The following WDR5 variants were observed in gnomAD, a reference collection of about 807,000 sequenced individuals.
WDR5 encodes WD repeat domain 5, also known as WD repeat-containing protein 5.
For synonymous variants in WDR5, 144 were observed against 161.6 expected, an observed-to-expected ratio of 0.89 and a Z score of 0.83; for missense variants, 187 against 416.9, an observed-to-expected ratio of 0.45 and a Z score of 4.80.
At position 134,158,196 on chromosome 9, in the gene WDR5, G is replaced by A. The variant is rs767240111; in HGVS notation, c.*203G>A. Reference sequence around the variant, plus strand: ...TTAAAAGTTGCTGGTGACATTTCTTGCCAATTCTAACACTGTCTAGGGAAG... The same window carrying A: ...TTAAAAGTTGCTGGTGACATTTCTTACCAATTCTAACACTGTCTAGGGAAG... On this transcript the variant is annotated 3_prime_UTR_variant, in exon 14 of 14. Coordinates refer to ENST00000358625, the MANE Select transcript of WDR5 (RefSeq NM_017588.3). The A allele has an allele frequency of 1.8e-6, 1 of 549,788 alleles. No individual in the cohort carries two copies. The highest frequency in any genetic ancestry group is 3.3e-6 in the Non-Finnish European group (1 of 305,802). 34.1% of individuals were successfully genotyped at this position (549,788 alleles called of 1,614,324 possible).
chr9:134,157,450 C>T lies in WDR5; in HGVS notation c.905-443C>T, dbSNP rs1193281005. On this transcript the variant is annotated intron_variant, in intron 13 of 13. Transcript: ENST00000358625. The surrounding 1 kb of genome is among the most constrained non-coding windows in gnomAD (Gnocchi z 5.0). ...TCTGGGGCTTAGCATTGGGGGGAGG[C>T]GGTGGGAGTGGGCGGCTCAGGGTCC... Among the ~76,000 whole-genome samples the T allele has an allele frequency of 2.0e-5, 3 of 152,114 alleles. No individual in the cohort carries two copies. The highest frequency in any genetic ancestry group is 2.9e-5 in the Non-Finnish European group (2 of 67,958).
chr9:134,136,515 C>T (rs1242457993), intron 1 of WDR5, among the ~76,000 whole-genome samples: 1 of 152,164 alleles, frequency 6.6e-6, no homozygotes, highest in East Asian at 1.9e-4. Flanking sequence ...TGCCCGGCCT[C>T]ACATCGCCCC....
At position 134,157,118 on chromosome 9, in the gene WDR5, G is replaced by A. The variant is rs577143709; in HGVS notation, c.904+525G>A. On this transcript the variant is annotated intron_variant, in intron 13 of 13. Transcript: ENST00000358625. This position sits in a 1 kb window ranked among gnomAD's most constrained non-coding sequence, Gnocchi z 5.0. ...GCCGCCGCTACTTCCTCACCCTCTG[G>A]CCCTGCATTTCCACGTCTCATGGAG... 2.0e-5 allele frequency among the ~76,000 whole-genome samples: 3 copies of A among 152,272 alleles called. No homozygotes were observed. The highest frequency in any genetic ancestry group is 2.1e-4 in the South Asian group (1 of 4,814).
chr9:134,141,466 A>G lies in WDR5; in HGVS notation c.191-44A>G, dbSNP rs58124205. The G allele has an allele frequency of 7.4e-3, 11,889 of 1,600,094 alleles. 722 individuals carry two copies. The African/African-American group carries it at 0.13, about 18-fold the overall frequency. On this transcript the variant is annotated intron_variant, in intron 3 of 13. Coordinates refer to ENST00000358625, the MANE Select transcript of WDR5 (RefSeq NM_017588.3). The stretch of plus-strand genomic sequence containing the variant: ...ACTTTGGACTCTGGATGACTAGACA[A>G]TTGTGTCCTGCTCTTAGCCTCAGAT...
At chr9:134,138,510 T>G (rs1289569632) in intron 1 of WDR5, among the ~76,000 whole-genome samples, 1 of 152,214 alleles carries the variant, frequency 6.6e-6, no homozygotes. Flanking sequence ...GTAGCTGGCA[T>G]TTACCGAGGA....
At chr9:134,141,085 C>T (rs1831864555) in intron 3 of WDR5, among the ~76,000 whole-genome samples, 2 of 152,118 alleles carry the variant, frequency 1.3e-5, no homozygotes, top group Admixed American at 1.3e-4. Context: ...AGTTCGAGAG[C>T]AGCCTGGCCA....
In WDR5 at chr9:134,142,223, C is replaced by A. The variant is rs1831931531; in HGVS notation, c.355-110C>A. On this transcript the variant is annotated intron_variant, in intron 5 of 13. Transcript: ENST00000358625. ...GTTGACTTCGGGGAACAGCAAGTCACTGGCGGGGCATCAGGCATGCTTTGG... is the reference window on the plus strand; with the variant it reads ...GTTGACTTCGGGGAACAGCAAGTCAATGGCGGGGCATCAGGCATGCTTTGG... 14 of 1,281,032 alleles carry A rather than the reference C, an allele frequency of 1.1e-5. No homozygotes were observed. In the South Asian group the frequency reaches 1.7e-4, roughly 16 times the overall value. The allele number at this position is 1,281,032 out of a possible 1,614,324, so 79.4% of individuals were successfully genotyped here.
intron 13 of WDR5, 30 bp downstream of exon 13, chr9:134,156,623 C>T: frequency 1.2e-6 from 2 of 1,609,844 alleles, no homozygotes; most frequent in Non-Finnish European, 8.5e-7. Flanking sequence ...CAGTCACTGG[C>T]TGCCTGTTGA....
chr9:134,157,257 C>G lies in WDR5; in HGVS notation c.905-636C>G, dbSNP rs1219693704. Among the ~76,000 whole-genome samples the G allele has an allele frequency of 6.6e-6, 1 of 152,236 alleles. No homozygotes were observed. The highest frequency in any genetic ancestry group is 1.5e-5 in the Non-Finnish European group (1 of 68,042). ...TCAGTGCTTACGCTCCACGGCGGGC[C>G]TGGGCCTTCCCCTGGGTCCTCGCCG... On this transcript the variant is annotated intron_variant, in intron 13 of 13. Coordinates refer to ENST00000358625, the MANE Select transcript of WDR5 (RefSeq NM_017588.3). This position sits in a 1 kb window ranked among gnomAD's most constrained non-coding sequence, Gnocchi z 5.0.
At chr9:134,144,925 G>GGTCC (rs1564191203) in intron 7 of WDR5, among the ~76,000 whole-genome samples, 1 of 151,896 alleles carries the variant, frequency 6.6e-6, no homozygotes, top group Non-Finnish European at 1.5e-5. Flanking sequence ...AGGTGGAGTC[G>GGTCC]GTCCCTCTGT....
intron 12 of WDR5, 152 bp downstream of exon 12, chr9:134,155,919 G>A (rs1273615931): frequency 3.0e-5 from 22 of 721,694 alleles, no homozygotes; most frequent in African/African-American, 1.1e-4. Context: ...GCCAAGTACC[G>A]GGGACACCTT....
chr9:134,153,008 G>A (rs28604373), intron 9 of WDR5, among the ~76,000 whole-genome samples: 68,035 of 152,002 alleles, frequency 0.45, 15,419 homozygotes, highest in Non-Finnish European at 0.48. Context: ...CAGTACACTC[G>A]CCTCTGAGGC....
rs533075789 is a variant in WDR5, at chr9:134,139,077, G to A, written c.-58-743G>A. Among the ~76,000 whole-genome samples the A allele has an allele frequency of 2.9e-3, 441 of 152,240 alleles. 1 individual carries two copies. Among genetic ancestry groups the A allele is most frequent in the African/African-American group, 9.9e-3 (411 of 41,542 alleles). ...ACCGATTGAACTGCAGTCTTTTTTCGTTCCCCTGCAGTGTGAGTCCTGCTC... is the reference window on the plus strand; with the variant it reads ...ACCGATTGAACTGCAGTCTTTTTTCATTCCCCTGCAGTGTGAGTCCTGCTC... On this transcript the variant is annotated intron_variant, in intron 1 of 13. Coordinates refer to ENST00000358625, the MANE Select transcript of WDR5 (RefSeq NM_017588.3).
In WDR5 at chr9:134,157,250, G is replaced by A. The variant is rs1160418757; in HGVS notation, c.905-643G>A. ...CCTGGGGTCAGTGCTTACGCTCCAC[G>A]GCGGGCCTGGGCCTTCCCCTGGGTC... On this transcript the variant is annotated intron_variant, in intron 13 of 13. Coordinates refer to ENST00000358625, the MANE Select transcript of WDR5 (RefSeq NM_017588.3). The surrounding 1 kb of genome is among the most constrained non-coding windows in gnomAD (Gnocchi z 5.0). Among the ~76,000 whole-genome samples, 7 of 152,220 alleles carry A rather than the reference G, an allele frequency of 4.6e-5. No individual in the cohort carries two copies. The highest frequency in any genetic ancestry group is 7.2e-5 in the African/African-American group (3 of 41,466).
intron 1 of WDR5, among the ~76,000 whole-genome samples, chr9:134,137,975 C>T (rs1453303217): frequency 1.3e-5 from 2 of 152,176 alleles, no homozygotes; most frequent in Non-Finnish European, 2.9e-5. Context: ...ACTTCCTGAC[C>T]TCGTGATCTG....
In WDR5 at chr9:134,157,073, G is replaced by A. The variant is rs1366327036; in HGVS notation, c.904+480G>A. Among the ~76,000 whole-genome samples, 2 of 152,204 alleles carry A rather than the reference G, an allele frequency of 1.3e-5. No homozygotes were observed. The highest frequency in any genetic ancestry group is 2.9e-5 in the Non-Finnish European group (2 of 68,030). On this transcript the variant is annotated intron_variant, in intron 13 of 13. Coordinates refer to ENST00000358625, the MANE Select transcript of WDR5 (RefSeq NM_017588.3). This position sits in a 1 kb window ranked among gnomAD's most constrained non-coding sequence, Gnocchi z 5.0. Reference sequence around the variant, plus strand: ...GCTACCTGGGGTTGCCACCTCTGTGGGTCCCGGCTGCCCTCTGCAGCCGCC... The same window carrying A: ...GCTACCTGGGGTTGCCACCTCTGTGAGTCCCGGCTGCCCTCTGCAGCCGCC...
At chr9:134,153,407 A>G (rs562789905) in intron 9 of WDR5, among the ~76,000 whole-genome samples, 4 of 152,202 alleles carry the variant, frequency 2.6e-5, no homozygotes, top group Admixed American at 1.3e-4. Flanking sequence ...TCTGGACTTC[A>G]CTGAGACAGG....
chr9:134,142,316 A>G lies in WDR5; in HGVS notation c.355-17A>G. ...GGAAATAAGCACTGGAATAATCCTA[A>G]TAATACTCTGTTATAGGGCAAGTGT... is the stretch of plus-strand genomic sequence containing the variant. On this transcript the variant is annotated splice_polypyrimidine_tract_variant and intron_variant, in intron 5 of 13. Transcript: ENST00000358625. The G allele has an allele frequency of 1.9e-6, 3 of 1,610,296 alleles. No homozygotes were observed. Among genetic ancestry groups the G allele is most frequent in the Non-Finnish European group, 2.5e-6 (3 of 1,177,002 alleles).
At chr9:134,155,547 G>C in intron 11 of WDR5, 146 bp from the exon 12 acceptor site, 2 of 1,252,006 alleles carry the variant, frequency 1.6e-6, no homozygotes, top group East Asian at 2.4e-5. Context: ...CAGTCTGCAA[G>C]TTAAATCTTC....
Sources: allele counts gnomAD v4.1 joint callset (sites outside exome capture counted in the v4.1 genomes callset), GRCh38; gene constraint gnomAD v4.1.1; non-coding constraint Gnocchi (gnomAD v3.1); transcripts MANE v1.5; gene names NCBI Gene and HGNC (gene_info 2026-07-23, HGNC 2026-07-21).